The following COL4A6 variants were observed in gnomAD, a reference collection of about 807,000 sequenced individuals.
The protein encoded by COL4A6 is collagen alpha-6(IV) chain.
COL4A6 carries 59 observed loss-of-function variants against 126.7 expected under a neutral mutation model. The ratio of observed to expected loss-of-function variants is 0.47; its 90% CI spans 0.38 to 0.58. The LOEUF (loss-of-function observed/expected upper bound fraction) is 0.58. Ranked by LOEUF, COL4A6 falls within the 20% of genes least tolerant of loss-of-function variation. The pLI is 0.00. For synonymous variants in COL4A6, 547 were observed against 496.6 expected, an observed-to-expected ratio of 1.10 and a Z score of -1.35; for missense variants, 1,285 against 1,337.3, an observed-to-expected ratio of 0.96 and a Z score of 0.61.
chrX:108,272,026 C>T (rs1009099787), intron 3 of COL4A6, among the ~76,000 whole-genome samples: 16 of 111,474 alleles, frequency 1.4e-4, no homozygotes, highest in African/African-American at 5.2e-4. Context: ...TACCTTTGTA[C>T]CAAGCCCAAG....
chrX:108,236,114 A>G (rs1429780603), intron 3 of COL4A6, among the ~76,000 whole-genome samples: 1 of 111,894 alleles, frequency 8.9e-6, no homozygotes, highest in Non-Finnish European at 1.9e-5. Flanking sequence ...AAAGTCCCCT[A>G]TGAAGCCTGC....
At chrX:108,167,524 C>T (rs2034166018) in intron 37 of COL4A6, among the ~76,000 whole-genome samples, 1 of 110,684 alleles carries the variant, frequency 9.0e-6, no homozygotes, top group Non-Finnish European at 1.9e-5. Flanking sequence ...TTTGTAGAAA[C>T]AGGGTTTTAC....
At chrX:108,405,443 C>G (rs755499079) in intron 2 of COL4A6, among the ~76,000 whole-genome samples, 40 of 110,855 alleles carry the variant, frequency 3.6e-4, no homozygotes, top group Non-Finnish European at 5.3e-4. Flanking sequence ...CCTCAGCCTC[C>G]CAAAGTGCTG....
rs190543137 is a variant in COL4A6, at chrX:108,168,422, T to C, written c.3691+1073A>G. On this transcript the variant is annotated intron_variant, in intron 37 of 44. Transcript: ENST00000334504. The stretch of plus-strand genomic sequence containing the variant: ...ATTTAAAATGCAGCAGGAAATGAAT[T>C]AATATATGAATATAGTCCCTCGGAA... Among the ~76,000 whole-genome samples, 119 of 112,069 alleles carry C rather than the reference T, an allele frequency of 1.1e-3. 5 individuals are homozygous for C. The East Asian group carries it at 0.032, about 30-fold the overall frequency.
In COL4A6 at chrX:108,160,482, T is replaced by C; in HGVS notation, c.4506A>G (p.Lys1502=). Residue 1502 remains lysine, a synonymous_variant, in exon 43 of 45, where the codon AAA becomes AAG. Coordinates refer to ENST00000334504, the MANE Select transcript of COL4A6 (RefSeq NM_033641.4). ...YSLLFVEGQE[K]AHNQDLGFAG... is the part of the protein sequence containing the mutation. ...ACCTACCCAGGTCCTGGTTGTGGGC[T>C]TTCTCTTGCCCCTCCACAAACAGTA... The C allele has an allele frequency of 8.3e-7, 1 of 1,203,641 alleles. No homozygotes were observed. Among genetic ancestry groups the C allele is most frequent in the Non-Finnish European group, 1.1e-6 (1 of 891,470 alleles).
intron 2 of COL4A6, among the ~76,000 whole-genome samples, chrX:108,356,384 G>A (rs1053893306): frequency 4.5e-5 from 5 of 110,833 alleles, no homozygotes; most frequent in African/African-American, 1.6e-4. Context: ...AACCATATGG[G>A]AGGGGAGGTG....
At chrX:108,395,805 G>T (rs60027425) in intron 2 of COL4A6, among the ~76,000 whole-genome samples, 3 of 111,701 alleles carry the variant, frequency 2.7e-5, no homozygotes, top group African/African-American at 9.8e-5. Flanking sequence ...TTCCCAAAGG[G>T]CTTCATAATA....
chrX:108,225,702 T>C, intron 3 of COL4A6, among the ~76,000 whole-genome samples: 1 of 112,917 alleles, frequency 8.9e-6, no homozygotes, highest in Non-Finnish European at 1.9e-5. Context: ...TAGACATATG[T>C]AGATATATCA....
chrX:108,401,159 A>G, intron 2 of COL4A6, among the ~76,000 whole-genome samples: 1 of 111,359 alleles, frequency 9.0e-6, no homozygotes, highest in African/African-American at 3.2e-5. Flanking sequence ...AAGTTCATAT[A>G]TATATTTAGA....
intron 2 of COL4A6, among the ~76,000 whole-genome samples, chrX:108,356,550 G>A (rs903118440): frequency 9.0e-6 from 1 of 110,700 alleles, no homozygotes; most frequent in Non-Finnish European, 1.9e-5. Context: ...ACTTCATATT[G>A]AGCCAGATTT....
chrX:108,229,262 A>C (rs2036246403), intron 3 of COL4A6, among the ~76,000 whole-genome samples: 1 of 112,186 alleles, frequency 8.9e-6, no homozygotes, highest in African/African-American at 3.2e-5. Context: ...CAGAGTTCAG[A>C]AGTCTAGGAT....
intron 8 of COL4A6, among the ~76,000 whole-genome samples, chrX:108,209,553 C>T (rs764457539): frequency 3.9e-4 from 44 of 112,342 alleles, no homozygotes; most frequent in African/African-American, 1.4e-3. Flanking sequence ...CACAGCCTTA[C>T]ATGGACTCAC....
intron 3 of COL4A6, among the ~76,000 whole-genome samples, chrX:108,224,173 C>A (rs2036097604): frequency 9.0e-6 from 1 of 111,596 alleles, no homozygotes; most frequent in South Asian, 3.9e-4. Context: ...GTAGGCAACT[C>A]GAGGGCTGGG....
intron 43 of COL4A6, 89 bp from the exon 44 acceptor site, chrX:108,159,837 G>C: frequency 1.0e-6 from 1 of 989,346 alleles, no homozygotes. Flanking sequence ...CCAACCACTT[G>C]CACCAGACTG....
chrX:108,388,292 T>C (rs1209941036), intron 2 of COL4A6, among the ~76,000 whole-genome samples: 1 of 112,290 alleles, frequency 8.9e-6, no homozygotes, highest in Non-Finnish European at 1.9e-5. Flanking sequence ...AAAGGAATGG[T>C]ACCAGCTCCT....
intron 2 of COL4A6, among the ~76,000 whole-genome samples, chrX:108,348,105 T>C (rs1316975259): frequency 8.9e-6 from 1 of 111,927 alleles, no homozygotes; most frequent in South Asian, 3.8e-4. Context: ...AAACAGTCTT[T>C]GTGTGTACAG....
At chrX:108,381,771 CAAT>C (rs1215384121) in intron 2 of COL4A6, among the ~76,000 whole-genome samples, 6 of 111,406 alleles carry the variant, frequency 5.4e-5, no homozygotes, top group African/African-American at 1.6e-4. Flanking sequence ...ACAACAACAA[CAAT>C]AATGTTATTA....
At chrX:108,245,616 C>T (rs756826760) in intron 3 of COL4A6, among the ~76,000 whole-genome samples, 1 of 111,498 alleles carries the variant, frequency 9.0e-6, no homozygotes, top group South Asian at 3.8e-4. Flanking sequence ...TGAGCCACCT[C>T]GAAAGAGGGT....
At chrX:108,184,703 C>T (rs1407149317) in intron 23 of COL4A6, among the ~76,000 whole-genome samples, 1 of 112,161 alleles carries the variant, frequency 8.9e-6, no homozygotes, top group African/African-American at 3.2e-5. Flanking sequence ...CCTGTTGTAG[C>T]AACAGAAAAT....
Sources: allele counts gnomAD v4.1 joint callset (sites outside exome capture counted in the v4.1 genomes callset), GRCh38; gene constraint gnomAD v4.1.1; transcripts MANE v1.5; gene names NCBI Gene and HGNC (gene_info 2026-07-23, HGNC 2026-07-21).